Variants in DACH2 observed in about 807,000 individuals in gnomAD.
DACH2 encodes dachshund homolog 2.
A neutral mutation model predicts 35.8 loss-of-function variants in DACH2; 17 were observed. The observed-to-expected ratio is 0.48, with a 90% CI of 0.33 to 0.71. The LOEUF (loss-of-function observed/expected upper bound fraction) is 0.71. DACH2 is among the 30% of genes least tolerant of loss of function. The probability of loss-of-function intolerance (pLI) is 0.02; values close to 1 mark genes in which losing one functional copy is unlikely to be tolerated. For synonymous variants in DACH2, 195 were observed against 177.3 expected (o/e 1.10, Z -0.79); for missense variants, 469 against 472.7 (o/e 0.99, Z 0.07).
At chrX:86,697,912 A>G (rs2041085800) in intron 5 of DACH2, among the ~76,000 whole-genome samples, 2 of 111,619 alleles carry the variant, frequency 1.8e-5, no homozygotes, top group Admixed American at 1.9e-4. Context: ...CAGAAGACAT[A>G]TTTGAAATAA....
intron 1 of DACH2, among the ~76,000 whole-genome samples, chrX:86,375,096 A>C (rs1289336394): frequency 9.2e-6 from 1 of 109,076 alleles, no homozygotes; most frequent in Non-Finnish European, 1.9e-5. Flanking sequence ...TACATTCCTT[A>C]CATTGGACAA....
At chrX:86,614,178 T>C (rs1394433401) in intron 3 of DACH2, among the ~76,000 whole-genome samples, 1 of 111,792 alleles carries the variant, frequency 8.9e-6, no homozygotes, top group Non-Finnish European at 1.9e-5. Flanking sequence ...ATGACTATAT[T>C]ATCTAGACGG....
intron 3 of DACH2, among the ~76,000 whole-genome samples, chrX:86,540,107 A>G (rs1281888364): frequency 1.8e-5 from 2 of 112,294 alleles, no homozygotes; most frequent in East Asian, 5.6e-4. Flanking sequence ...TACATCTTTA[A>G]GCATCTATGT....
chrX:86,171,227 CCCTCT>C (rs56854297), intron 1 of DACH2, among the ~76,000 whole-genome samples: 29,337 of 109,411 alleles, frequency 0.27, 3,291 homozygotes, highest in Non-Finnish European at 0.34. Flanking sequence ...TTCCACTCTT[CCCTCT>C]CCTCTCCTCA....
intron 1 of DACH2, among the ~76,000 whole-genome samples, chrX:86,208,624 C>T (rs970132056): frequency 9.0e-6 from 1 of 111,429 alleles, no homozygotes. Context: ...TTATAGTGTC[C>T]TTTTTTCTAC....
chrX:86,756,182 T>C (rs2041827264), intron 7 of DACH2, among the ~76,000 whole-genome samples: 1 of 111,552 alleles, frequency 9.0e-6, no homozygotes, highest in Non-Finnish European at 1.9e-5. Flanking sequence ...GGTGCCTCCA[T>C]GTTCATTCTT....
chrX:86,657,234 G>T (rs1037511215), intron 4 of DACH2, among the ~76,000 whole-genome samples: 17 of 110,264 alleles, frequency 1.5e-4, no homozygotes, highest in Non-Finnish European at 2.3e-4. Context: ...ATAGCTAAAA[G>T]AATGTAATTG....
intron 2 of DACH2, among the ~76,000 whole-genome samples, chrX:86,513,614 A>G (rs1349832576): frequency 2.7e-5 from 3 of 112,456 alleles, no homozygotes; most frequent in African/African-American, 9.7e-5. Flanking sequence ...TCATCAACTC[A>G]TTAGTTAAAA....
At chrX:86,628,615 T>C (rs922159921) in intron 3 of DACH2, among the ~76,000 whole-genome samples, 1 of 112,720 alleles carries the variant, frequency 8.9e-6, no homozygotes, top group African/African-American at 3.2e-5. Flanking sequence ...GGATTCTTTG[T>C]CCTTCATTTA....
chrX:86,762,767 T>C (rs1435734389), intron 7 of DACH2, among the ~76,000 whole-genome samples: 1 of 112,163 alleles, frequency 8.9e-6, no homozygotes, highest in East Asian at 2.8e-4. Flanking sequence ...AAGCACATGA[T>C]GGAATATGGG....
chrX:86,294,475 A>G (rs1343055170), intron 1 of DACH2, among the ~76,000 whole-genome samples: 21 of 111,118 alleles, frequency 1.9e-4, no homozygotes, highest in South Asian at 3.8e-4. Context: ...GAGGAACTGC[A>G]TTCCTTTGGA....
At chrX:86,546,770 T>C (rs1022622358) in intron 3 of DACH2, among the ~76,000 whole-genome samples, 2 of 109,315 alleles carry the variant, frequency 1.8e-5, no homozygotes, top group South Asian at 8.0e-4. Flanking sequence ...AGCCTCGGCC[T>C]CCCAAAGTGC....
At chrX:86,500,844 T>A (rs1020612305) in intron 2 of DACH2, among the ~76,000 whole-genome samples, 1 of 111,425 alleles carries the variant, frequency 9.0e-6, no homozygotes, top group Non-Finnish European at 1.9e-5. Flanking sequence ...TCAAGGAGAG[T>A]ACAAGCAGTA....
chrX:86,202,407 A>C (rs1172701767), intron 1 of DACH2, among the ~76,000 whole-genome samples: 1 of 111,919 alleles, frequency 8.9e-6, no homozygotes, highest in Non-Finnish European at 1.9e-5. Flanking sequence ...TGGCTTTAAA[A>C]GCTGTTCCTG....
chrX:86,760,754 G>T (rs2041872034), intron 7 of DACH2, among the ~76,000 whole-genome samples: 1 of 109,442 alleles, frequency 9.1e-6, no homozygotes, highest in Admixed American at 9.7e-5. Context: ...TGTTCCTTTG[G>T]AGGTGTCATG....
At position 86,339,596 on chromosome X, in the gene DACH2, A is replaced by G. The variant is rs778371913; in HGVS notation, c.489-37228A>G. On this transcript the variant is annotated intron_variant, in intron 1 of 11. Coordinates refer to ENST00000373125, the MANE Select transcript of DACH2 (RefSeq NM_053281.3). ...AAGGAACCTGAGGCACAAGAAGGTC[A>G]AATGACTTGCTCAAGGTCACATAGC... 2.7e-5 allele frequency among the ~76,000 whole-genome samples: 3 copies of G among 111,683 alleles called. No individual in the cohort carries two copies. In the East Asian group the frequency reaches 8.5e-4, roughly 32 times the overall value.
At chrX:86,582,337 A>G (rs896431520) in intron 3 of DACH2, among the ~76,000 whole-genome samples, 1 of 111,316 alleles carries the variant, frequency 9.0e-6, no homozygotes, top group Non-Finnish European at 1.9e-5. Flanking sequence ...AGGTAGCAGA[A>G]GACAGGAAAT....
chrX:86,215,762 C>T (rs1192746109), intron 1 of DACH2, among the ~76,000 whole-genome samples: 1 of 111,703 alleles, frequency 9.0e-6, no homozygotes, highest in Non-Finnish European at 1.9e-5. Flanking sequence ...CTGCTATTTG[C>T]AGTAACTAGA....
chrX:86,444,726 C>T (rs957675977), intron 2 of DACH2, among the ~76,000 whole-genome samples: 3 of 110,299 alleles, frequency 2.7e-5, no homozygotes, highest in Non-Finnish European at 5.7e-5. Flanking sequence ...TTTCATAATA[C>T]CAATTATACA....
Sources: gnomAD v4.1 joint callset for allele counts (sites outside exome capture counted in the v4.1 genomes callset) on GRCh38, gnomAD v4.1.1 for gene constraint, MANE v1.5 for transcripts, NCBI Gene and HGNC (gene_info 2026-07-23, HGNC 2026-07-21) for gene names.